SEPTIN4: variants seen among roughly 807,000 people sequenced by gnomAD.
The protein encoded by SEPTIN4 is septin 4.
A neutral mutation model predicts 107.1 loss-of-function variants in SEPTIN4; 52 were observed. The ratio of observed to expected loss-of-function variants is 0.49; its 90% CI spans 0.39 to 0.61. The LOEUF (loss-of-function observed/expected upper bound fraction) is 0.61, where lower values mean the gene tolerates loss of function less well. Among genes scored for constraint, SEPTIN4 ranks in the 20% least tolerant of loss-of-function variants. The pLI, the probability that SEPTIN4 is intolerant of heterozygous loss-of-function variation, is 0.00. For missense variants in SEPTIN4, 1,048 were observed against 1,243.5 expected (o/e 0.84, Z 2.36); for synonymous variants, 417 against 467.0 (o/e 0.89, Z 1.38).
chr17:58,527,246 C>T (rs2043015923), intron 3 of SEPTIN4: 1 of 676,174 alleles, frequency 1.5e-6, no homozygotes, highest in Non-Finnish European at 2.7e-6. Flanking sequence ...GGCAACTGCT[C>T]TTGGGAACTA....
chr17:58,540,548 A>G, intron 3 of SEPTIN4, 118 bp downstream of exon 3: 1 of 786,118 alleles, frequency 1.3e-6, no homozygotes, highest in Non-Finnish European at 1.8e-6. Context: ...AATCTGCCCA[A>G]CCATAGGGAG....
At chr17:58,524,768 A>G (rs917702430) in intron 7 of SEPTIN4, 5 of 247,000 alleles carry the variant, frequency 2.0e-5, no homozygotes, top group Non-Finnish European at 2.4e-5. Flanking sequence ...GGATCTTACT[A>G]TGTTGCCCAG....
intron 3 of SEPTIN4, chr17:58,539,290 C>T (rs751001301): frequency 4.9e-5 from 40 of 823,654 alleles, no homozygotes; most frequent in Non-Finnish European, 6.5e-5. Context: ...TAAACTAAAA[C>T]AAGATGCACA....
chr17:58,525,513 C>T, intron 6 of SEPTIN4, 182 bp downstream of exon 6: 2 of 626,590 alleles, frequency 3.2e-6, no homozygotes, highest in Non-Finnish European at 5.6e-6. Context: ...CCTGCTTCAG[C>T]ACCCAAATCT....
Position 58,521,212 on chromosome 17 carries a change from TGAGGGCAAG to T in SEPTIN4, c.2668+33_2668+41del. ...AGAGGCATAGGTAGGGGAGAGCCAC[TGAGGGCAAG>T]GAGATACCCTGGTCACAGGCTCAGT... On this transcript the variant is annotated intron_variant, in intron 11 of 13. Transcript: ENST00000672673. The surrounding 1 kb of genome is among the most constrained non-coding windows in gnomAD (Gnocchi z 6.4). The T allele has an allele frequency of 1.2e-6, 2 of 1,614,150 alleles. No individual in the cohort carries two copies. Among genetic ancestry groups the T allele is most frequent in the Non-Finnish European group, 1.7e-6 (2 of 1,179,982 alleles).
chr17:58,532,217 G>A (rs1488886478), intron 3 of SEPTIN4: 7 of 512,614 alleles, frequency 1.4e-5, no homozygotes, highest in Non-Finnish European at 1.3e-5. Flanking sequence ...GCGACCCCCG[G>A]ATGCGCAGAG....
chr17:58,521,841 C>T lies in SEPTIN4; in HGVS notation c.2364G>A (p.Leu788=). The T allele has an allele frequency of 6.2e-7, 1 of 1,614,210 alleles. No homozygotes were observed. The highest frequency in any genetic ancestry group is 8.5e-7 in the Non-Finnish European group (1 of 1,180,038). Residue 788 remains leucine (L), a synonymous_variant, in exon 9 of 14, where the codon TTG becomes TTA. Transcript: ENST00000672673. This position sits in a 1 kb window ranked among gnomAD's most constrained non-coding sequence, Gnocchi z 6.4. ...GCAGGGCCTTCATGAATTCAACATCCAATGGCCGGAGCCTGGGGAACAGGA... is the reference window on the plus strand; with the variant it reads ...GCAGGGCCTTCATGAATTCAACATCTAATGGCCGGAGCCTGGGGAACAGGA... ...ISPFGHGLRP[L]DVEFMKALHQ...
Position 58,526,832 on chromosome 17 carries a change from C to CGGGGCCTGGGGCCTTGGCTCCGGGACTT in SEPTIN4, c.1733_1760dup (p.Asp588SerfsTer13). The CGGGGCCTGGGGCCTTGGCTCCGGGACTT allele has an allele frequency of 6.2e-7, 1 of 1,613,708 alleles. No individual in the cohort carries two copies. Among genetic ancestry groups the CGGGGCCTGGGGCCTTGGCTCCGGGACTT allele is most frequent in the South Asian group, 1.1e-5 (1 of 91,058 alleles). ...ACTCCAGGTCATCATCATAGAGGTC[C>CGGGGCCTGGGGCCTTGGCTCCGGGACTT]GGGGCCTGGGGCCTTGGCTCCGGGA... On this transcript the variant is annotated frameshift_variant, in exon 4 of 14. Transcript: ENST00000672673. LOFTEE classifies it high-confidence loss of function.
intron 3 of SEPTIN4, among the ~76,000 whole-genome samples, chr17:58,536,828 G>A (rs778021345): frequency 2.0e-5 from 3 of 152,194 alleles, no homozygotes; most frequent in Admixed American, 1.3e-4. Context: ...CTCTGGCTGA[G>A]CACCTGTCAG....
chr17:58,525,012 C>T (rs562618107), intron 7 of SEPTIN4, 66 bp downstream of exon 7: 16 of 1,604,554 alleles, frequency 1.0e-5, no homozygotes, highest in East Asian at 4.5e-5. Flanking sequence ...TCTGGGCCTA[C>T]GTGTGTACCT....
Position 58,543,624 on chromosome 17 carries a change from C to G in SEPTIN4, c.563G>C (p.Arg188Thr). 1 of 1,614,188 alleles carries G rather than the reference C, an allele frequency of 6.2e-7. No homozygotes were observed. Among genetic ancestry groups the G allele is most frequent in the Non-Finnish European group, 8.5e-7 (1 of 1,180,028 alleles). Residue 188 changes from arginine (R) to threonine (T), a missense_variant, in exon 1 of 14, where the codon AGA becomes ACA. Around this residue, in one of 2 missense-constraint regions of SEPTIN4, gnomAD observed 787 missense variants for 871.8 expected, o/e 0.90. Transcript: ENST00000672673. The part of the protein sequence containing the change: ...PSKVQNPQGV[R>T]VPRRILSYPK... ...GTAAGACAAAATCCTACGGGGAACT[C>G]TGACTCCTTGGGGGTTCTGGACCTT... is the stretch of plus-strand genomic sequence containing the variant.
Position 58,544,217 on chromosome 17 carries a change from C to T in SEPTIN4, c.-31G>A, listed in dbSNP as rs753685230. The T allele has an allele frequency of 1.4e-5, 22 of 1,566,228 alleles. No individual in the cohort carries two copies. In the African/African-American group the frequency reaches 2.2e-4, roughly 15 times the overall value. On this transcript the variant is annotated 5_prime_UTR_variant, in exon 1 of 14. Transcript: ENST00000672673. ...AGATTGTGCCCTTCTGAGTAGATCC[C>T]GTATTTTACTGGCTGGCTTGTATTC...
chr17:58,521,097 T>C lies in SEPTIN4; in HGVS notation c.2732A>G (p.Gln911Arg). ...CTCCCGTGTCACATCCTTCAGGTCC[T>C]GCATGTGGGTACGTACCAGCATTGT... ...LRTMLVRTHM[Q>R]DLKDVTRETH... is the part of the protein sequence containing the mutation. Residue 911 changes from glutamine to arginine, a missense_variant, in exon 12 of 14, where the codon CAG becomes CGG. By Grantham distance (43) the Gln-to-Arg change is conservative. This residue lies in a region of SEPTIN4 where 261 missense variants were observed against 371.7 expected (regional missense o/e 0.70). Coordinates refer to ENST00000672673, the MANE Select transcript of SEPTIN4 (RefSeq NM_001368771.2). The surrounding 1 kb of genome is among the most constrained non-coding windows in gnomAD (Gnocchi z 6.4). 4 of 1,614,214 alleles carry C rather than the reference T, an allele frequency of 2.5e-6. No individual in the cohort carries two copies. Among genetic ancestry groups the C allele is most frequent in the Non-Finnish European group, 3.4e-6 (4 of 1,180,040 alleles).
rs998820417 is a variant in SEPTIN4, at chr17:58,538,947, T to A, written c.1614+1719A>T. Among the ~76,000 whole-genome samples the A allele has an allele frequency of 3.9e-5, 6 of 152,236 alleles. No individual in the cohort carries two copies. The highest frequency in any genetic ancestry group is 1.4e-4 in the African/African-American group (6 of 41,458). On this transcript the variant is annotated intron_variant, in intron 3 of 13. Transcript: ENST00000672673. This position sits in a 1 kb window ranked among gnomAD's most constrained non-coding sequence, Gnocchi z 4.7. ...GGAATGGAATCTGGAACAGACTCTA[T>A]GGTCAACCATTCCCAGATCAGAGGA...
chr17:58,526,089 G>T (rs2042833479), intron 5 of SEPTIN4, 131 bp downstream of exon 5: 1 of 1,190,296 alleles, frequency 8.4e-7, no homozygotes, highest in Non-Finnish European at 1.1e-6. Context: ...ATGACTCCTG[G>T]CTGTTTTGCA....
Position 58,521,392 on chromosome 17 carries a change from A to T in SEPTIN4, c.2572-42T>A. On this transcript the variant is annotated intron_variant, in intron 10 of 13. Transcript: ENST00000672673. This position sits in a 1 kb window ranked among gnomAD's most constrained non-coding sequence, Gnocchi z 6.4. The stretch of plus-strand genomic sequence containing the variant: ...GTGCCTGTCAGCACCCTCTGTTCTC[A>T]CCTCTTTCTTTCCACCTGTATCGTC... 1.3e-6 allele frequency: 2 copies of T among 1,597,288 alleles called. No individual in the cohort carries two copies. Among genetic ancestry groups the T allele is most frequent in the Non-Finnish European group, 1.7e-6 (2 of 1,164,860 alleles).
intron 2 of SEPTIN4, 37 bp from the exon 3 acceptor site, chr17:58,540,710 G>A: frequency 7.5e-7 from 1 of 1,331,296 alleles, no homozygotes; most frequent in Non-Finnish European, 9.6e-7. Flanking sequence ...ATTCCCAGGG[G>A]GCAGCAAATG....
At chr17:58,523,849 G>A (rs1375414662) in intron 7 of SEPTIN4, among the ~76,000 whole-genome samples, 6 of 152,038 alleles carry the variant, frequency 3.9e-5, no homozygotes, top group South Asian at 2.1e-4. Context: ...TTTTCAGTGC[G>A]CATGCATCAT....
chr17:58,526,156 C>T (rs1215652681), intron 5 of SEPTIN4, 64 bp downstream of exon 5: 35 of 1,499,136 alleles, frequency 2.3e-5, no homozygotes, highest in South Asian at 2.0e-4. Flanking sequence ...TTCCCACTCA[C>T]GGACACACAC....
Sources: gnomAD v4.1 joint callset for allele counts (sites outside exome capture counted in the v4.1 genomes callset) on GRCh38, gnomAD v4.1.1 for gene constraint, gnomAD v4.1.1 regional missense constraint, Gnocchi (gnomAD v3.1) non-coding constraint, MANE v1.5 for transcripts, NCBI Gene and HGNC (gene_info 2026-07-23, HGNC 2026-07-21) for gene names.